RMND5A: variants seen among roughly 807,000 people sequenced by gnomAD.
RMND5A encodes the protein E3 ubiquitin-protein transferase RMND5A.
In RMND5A, 17 loss-of-function variants were observed where a neutral mutation model predicts 49.7. The ratio of observed to expected loss-of-function variants is 0.34; its 90% CI spans 0.23 to 0.51. The LOEUF (loss-of-function observed/expected upper bound fraction) is 0.51. Ranked by LOEUF, RMND5A falls within the 20% of genes least tolerant of loss-of-function variation. RMND5A has a pLI of 0.96. For synonymous variants in RMND5A, 156 were observed against 167.7 expected, an observed-to-expected ratio of 0.93 and a Z score of 0.54; for missense variants, 255 against 471.3, an observed-to-expected ratio of 0.54 and a Z score of 4.25.
Position 86,765,866 on chromosome 2 carries a change from G to C in RMND5A, c.696G>C (p.Gln232His). Residue 232 changes from glutamine (Q) to histidine (H), a missense_variant, in exon 6 of 9, where the codon CAG (glutamine) becomes CAC (histidine). Physicochemically the swap from Gln to His is conservative, Grantham distance 24 (BLOSUM62 0). Coordinates refer to ENST00000283632, the MANE Select transcript of RMND5A (RefSeq NM_022780.4). Reference protein sequence around the residue: ...PFALNHQKDIQVLMGSLVYLR... With the variant: ...PFALNHQKDIHVLMGSLVYLR... ...TGCTGGTGCTTTTTTTAGACATTCA[G>C]GTTTTGATGGGAAGCCTTGTGTACC... is the stretch of plus-strand genomic sequence containing the variant. The C allele has an allele frequency of 6.2e-7, 1 of 1,612,774 alleles. No homozygotes were observed. The highest frequency in any genetic ancestry group is 8.5e-7 in the Non-Finnish European group (1 of 1,179,568).
rs59511898 is a variant in RMND5A at position 86,766,661 on chromosome 2, C to CAAAAAAA, written c.854+652_854+658dup. ...CCCGTGCAACAATGCGAGACTGTCT[C>CAAAAAAA]AAAAAAAAAAAAAAAAAAAAAGAAA... is the stretch of plus-strand genomic sequence containing the variant. On this transcript the variant is annotated intron_variant, in intron 6 of 8. Coordinates refer to ENST00000283632, the MANE Select transcript of RMND5A (RefSeq NM_022780.4). Among the ~76,000 whole-genome samples, 222 of 76,962 alleles carry CAAAAAAA rather than the reference C, an allele frequency of 2.9e-3. 1 individual carries two copies. Among genetic ancestry groups the CAAAAAAA allele is most frequent in the African/African-American group, 0.011 (211 of 18,748 alleles). The allele number at this position is 76,962 out of a possible 152,430, so 50.5% of individuals were successfully genotyped here.
At chr2:86,767,087 T>C (rs995869063) in intron 6 of RMND5A, among the ~76,000 whole-genome samples, 4 of 152,170 alleles carry the variant, frequency 2.6e-5, no homozygotes, top group African/African-American at 7.2e-5. Flanking sequence ...TTTTTTGAGA[T>C]GGAGTCTCCC....
At chr2:86,729,565 G>C (rs1361137392) in intron 1 of RMND5A, among the ~76,000 whole-genome samples, 1 of 123,180 alleles carries the variant, frequency 8.1e-6, no homozygotes, top group African/African-American at 3.0e-5. Flanking sequence ...GATGCTACAT[G>C]AGTGGTGTGG....
chr2:86,764,067 C>T (rs1672551635), intron 4 of RMND5A, among the ~76,000 whole-genome samples: 1 of 152,156 alleles, frequency 6.6e-6, no homozygotes, highest in Non-Finnish European at 1.5e-5. Flanking sequence ...CTGTGAAGTC[C>T]AATCTCAATC....
At chr2:86,767,703 T>C (rs1249584631) in intron 6 of RMND5A, among the ~76,000 whole-genome samples, 2 of 152,254 alleles carry the variant, frequency 1.3e-5, no homozygotes, top group Admixed American at 1.3e-4. Flanking sequence ...TGGATTTTAA[T>C]GTAGCAGGGT....
rs1395042698 is a variant in RMND5A, at chr2:86,773,822, C to T, written c.*411C>T. 6.5e-6 allele frequency: 1 copy of T among 154,332 alleles called. No individual in the cohort carries two copies. The highest frequency in any genetic ancestry group is 1.4e-5 in the Non-Finnish European group (1 of 69,438). The allele number at this position is 154,332 out of a possible 1,614,324, so 9.6% of individuals were successfully genotyped here. ...AGTGTTTGTGAAAAAGTTTTATTTC[C>T]TGTTATGTATACATAATTAAATGAA... On this transcript the variant is annotated 3_prime_UTR_variant, in exon 9 of 9. Coordinates refer to ENST00000283632, the MANE Select transcript of RMND5A (RefSeq NM_022780.4).
chr2:86,745,232 TATCTC>T (rs1453588200), intron 2 of RMND5A, among the ~76,000 whole-genome samples: 1 of 152,212 alleles, frequency 6.6e-6, no homozygotes, highest in Non-Finnish European at 1.5e-5. Flanking sequence ...AAGATTTTAA[TATCTC>T]AAATCTGATG....
intron 5 of RMND5A, 109 bp downstream of exon 5, chr2:86,765,302 A>G: frequency 1.0e-6 from 1 of 959,230 alleles, no homozygotes; most frequent in Non-Finnish European, 1.5e-6. Flanking sequence ...AAACAGTTGT[A>G]GTTGATAATC....
Position 86,723,030 on chromosome 2 carries a change from A to AT in RMND5A, c.142+2227dup, listed in dbSNP as rs1322911186. 2.8e-5 allele frequency among the ~76,000 whole-genome samples: 2 copies of AT among 72,538 alleles called. 1 individual carries two copies. The highest frequency in any genetic ancestry group is 5.2e-5 in the Non-Finnish European group (2 of 38,426). The allele number at this position is 72,538 out of a possible 152,430, so 47.6% of individuals were successfully genotyped here. On this transcript the variant is annotated intron_variant, in intron 1 of 8. Transcript: ENST00000283632. The stretch of plus-strand genomic sequence containing the variant: ...TGTGTGTTCCCTTTTCAGCCTCCTA[A>AT]TTTTTTCCCTCTTGTCTACCAAATT...
In RMND5A at chr2:86,777,763, CTA is replaced by C. The variant is rs1304645483; in HGVS notation, c.*4355_*4356del. ...GCACAGTAAAGTTGCATCTTATAGA[CTA>C]TAGGCAATAAAGCTAACAATAAACC... On this transcript the variant is annotated 3_prime_UTR_variant, in exon 9 of 9. Transcript: ENST00000283632. 1 of 152,158 alleles carries C rather than the reference CTA, an allele frequency of 6.6e-6. No homozygotes were observed. The highest frequency in any genetic ancestry group is 1.5e-5 in the Non-Finnish European group (1 of 68,042). 9.4% of individuals were successfully genotyped at this position (152,158 alleles called of 1,614,324 possible). A position where few individuals can be genotyped will look rare whatever the true frequency, so the allele number is the denominator to read the frequency against.
rs1264883914 is a variant in RMND5A, at chr2:86,765,921, G to A, written c.751G>A (p.Val251Ile). The change falls in exon 6 of 9, where the codon GTT becomes ATT. Residue 251 changes from valine (V) to isoleucine (I), a missense_variant. Coordinates refer to ENST00000283632, the MANE Select transcript of RMND5A (RefSeq NM_022780.4). Reference protein sequence around the residue: ...LRQGIENSPYVHLLDANQWAD... With the variant: ...LRQGIENSPYIHLLDANQWAD... ...ACAAGGGATTGAGAACTCACCATATGTTCACCTACTTGATGCAAACCAGTG... is the reference window on the plus strand; with the variant it reads ...ACAAGGGATTGAGAACTCACCATATATTCACCTACTTGATGCAAACCAGTG... 1 of 1,614,152 alleles carries A rather than the reference G, an allele frequency of 6.2e-7. No individual in the cohort carries two copies. The highest frequency in any genetic ancestry group is 1.7e-5 in the Admixed American group (1 of 60,024).
At chr2:86,746,415 G>A in intron 2 of RMND5A, among the ~76,000 whole-genome samples, 1 of 152,176 alleles carries the variant, frequency 6.6e-6, no homozygotes, top group Non-Finnish European at 1.5e-5. Context: ...CAGCTACTGT[G>A]TATTAAAGGT....
In RMND5A at chr2:86,777,924, T is replaced by C. The variant is rs1324626225; in HGVS notation, c.*4513T>C. The C allele has an allele frequency of 6.6e-6, 1 of 152,208 alleles. No homozygotes were observed. Among genetic ancestry groups the C allele is most frequent in the African/African-American group, 2.4e-5 (1 of 41,442 alleles). The allele number at this position is 152,208 out of a possible 1,614,324, so 9.4% of individuals were successfully genotyped here. ...TTAATTTATAAATTTCGGACTGATATAATAGAGTTTTGGAAAACTATAAGA... is the reference window on the plus strand; with the variant it reads ...TTAATTTATAAATTTCGGACTGATACAATAGAGTTTTGGAAAACTATAAGA... On this transcript the variant is annotated 3_prime_UTR_variant, in exon 9 of 9. Transcript: ENST00000283632.
chr2:86,762,945 C>T (rs1573443467), intron 4 of RMND5A, among the ~76,000 whole-genome samples: 2 of 151,412 alleles, frequency 1.3e-5, no homozygotes, highest in South Asian at 2.1e-4. Context: ...GAAGCTGAGG[C>T]GGGAGAATCG....
rs1672730783 is a variant in RMND5A, at chr2:86,774,358, A to G, written c.*947A>G. On this transcript the variant is annotated 3_prime_UTR_variant, in exon 9 of 9. Transcript: ENST00000283632. Reference sequence around the variant, plus strand: ...GCAGCATGTTCCAGTTCTAAAATGCAGTTACCAGACCCATCACTTTAAATC... The same window carrying G: ...GCAGCATGTTCCAGTTCTAAAATGCGGTTACCAGACCCATCACTTTAAATC... The G allele has an allele frequency of 6.6e-6, 1 of 152,634 alleles. No individual in the cohort carries two copies. Among genetic ancestry groups the G allele is most frequent in the Admixed American group, 6.5e-5 (1 of 15,276 alleles). The allele number at this position is 152,634 out of a possible 1,614,324, so 9.5% of individuals were successfully genotyped here. A position where few individuals can be genotyped will look rare whatever the true frequency, so the allele number is the denominator to read the frequency against.
chr2:86,724,022 T>C (rs1681259488), intron 1 of RMND5A, among the ~76,000 whole-genome samples: 1 of 151,974 alleles, frequency 6.6e-6, no homozygotes, highest in African/African-American at 2.4e-5. Flanking sequence ...ACCTGGTGAA[T>C]TGGTTTGTGC....
chr2:86,767,424 T>C (rs372999101), intron 6 of RMND5A, among the ~76,000 whole-genome samples: 7 of 66,432 alleles, frequency 1.1e-4, no homozygotes, highest in African/African-American at 2.8e-4. Context: ...TTTTTGGCAG[T>C]CTTTTTTTTT....
At chr2:86,769,674 A>C (rs1372393643) in intron 6 of RMND5A, among the ~76,000 whole-genome samples, 1 of 149,396 alleles carries the variant, frequency 6.7e-6, no homozygotes, top group Non-Finnish European at 1.5e-5. Flanking sequence ...ACCCTAGCAG[A>C]TGAGTTTTTT....
intron 4 of RMND5A, among the ~76,000 whole-genome samples, chr2:86,762,877 C>CA (rs1446821628): frequency 1.3e-5 from 2 of 151,072 alleles, no homozygotes; most frequent in Non-Finnish European, 1.5e-5. Flanking sequence ...CTTGTCTCTT[C>CA]AAAAAAATAC....
Sources: gnomAD v4.1 joint callset for allele counts (sites outside exome capture counted in the v4.1 genomes callset) on GRCh38, gnomAD v4.1.1 for gene constraint, MANE v1.5 for transcripts, NCBI Gene and HGNC (gene_info 2026-07-23, HGNC 2026-07-21) for gene names.